KCNK13: variants seen among roughly 807,000 people sequenced by gnomAD.
KCNK13 encodes potassium two pore domain channel subfamily K member 13.
KCNK13 carries 12 observed loss-of-function variants against 23.4 expected under a neutral mutation model. The observed-to-expected ratio is 0.51, with a 90% CI of 0.33 to 0.83. The LOEUF is 0.83. KCNK13 is among the 40% of genes least tolerant of loss of function. The pLI, the probability that KCNK13 is intolerant of heterozygous loss-of-function variation, is 0.02. For missense variants in KCNK13, 463 were observed against 556.3 expected (o/e 0.83, Z 1.69); for synonymous variants, 231 against 229.5 (o/e 1.01, Z -0.06).
At chr14:90,074,443 C>T (rs2140391119) in intron 1 of KCNK13, among the ~76,000 whole-genome samples, 1 of 152,318 alleles carries the variant, frequency 6.6e-6, no homozygotes, top group Admixed American at 6.5e-5. Flanking sequence ...TATAGCTTTT[C>T]ATAAATTCAG....
At chr14:90,137,078 C>G (rs1889946200) in intron 1 of KCNK13, among the ~76,000 whole-genome samples, 1 of 152,124 alleles carries the variant, frequency 6.6e-6, no homozygotes, top group Non-Finnish European at 1.5e-5. Context: ...ATTCATGTTT[C>G]TTCATGTTTG....
At chr14:90,084,815 T>C (rs1473168846) in intron 1 of KCNK13, among the ~76,000 whole-genome samples, 4 of 152,232 alleles carry the variant, frequency 2.6e-5, no homozygotes, top group African/African-American at 9.6e-5. Context: ...TGTTGAATGT[T>C]TTTATCACAA....
intron 1 of KCNK13, among the ~76,000 whole-genome samples, chr14:90,074,099 A>G (rs1889108475): frequency 6.6e-6 from 1 of 151,954 alleles, no homozygotes; most frequent in South Asian, 2.1e-4. Context: ...CCTCCCGAGT[A>G]GCTGGGACTA....
intron 1 of KCNK13, among the ~76,000 whole-genome samples, chr14:90,113,723 A>G: frequency 6.6e-6 from 1 of 152,294 alleles, no homozygotes; most frequent in African/African-American, 2.4e-5. Flanking sequence ...ATCTGAGGTC[A>G]GGCATTCCAG....
intron 1 of KCNK13, among the ~76,000 whole-genome samples, chr14:90,080,849 C>T (rs1889200673): frequency 6.6e-6 from 1 of 152,172 alleles, no homozygotes; most frequent in Admixed American, 6.5e-5. Flanking sequence ...CAAGGTTTCT[C>T]CACCTCAACA....
chr14:90,143,183 TTCTTTTCTTTCTTTCTTTTCTTTCTTTTC>T (rs1890033389), intron 1 of KCNK13, among the ~76,000 whole-genome samples: 1 of 17,116 alleles, frequency 5.8e-5, no homozygotes, highest in African/African-American at 1.0e-4. Flanking sequence ...TTCTTTTCTT[TTCTTTTCTTTCTTTCTTTTCTTTCTTTTC>T]TTTTTTTTTT....
At chr14:90,092,828 C>T (rs940003194) in intron 1 of KCNK13, among the ~76,000 whole-genome samples, 1 of 147,888 alleles carries the variant, frequency 6.8e-6, no homozygotes, top group Admixed American at 6.9e-5. Flanking sequence ...GGGAGGTTTG[C>T]TTGAGCCCAG....
intron 1 of KCNK13, among the ~76,000 whole-genome samples, chr14:90,134,155 C>G (rs967268934): frequency 6.6e-6 from 1 of 151,188 alleles, no homozygotes; most frequent in Non-Finnish European, 1.5e-5. Context: ...GAGTTCGAGG[C>G]TACAGTGAGC....
chr14:90,136,708 T>C (rs1889940915), intron 1 of KCNK13, among the ~76,000 whole-genome samples: 1 of 152,130 alleles, frequency 6.6e-6, no homozygotes, highest in Non-Finnish European at 1.5e-5. Flanking sequence ...TCCTGTTGTC[T>C]GGCTGGAATA....
chr14:90,120,303 A>C (rs963817195), intron 1 of KCNK13, among the ~76,000 whole-genome samples: 9 of 152,196 alleles, frequency 5.9e-5, no homozygotes, highest in Admixed American at 2.6e-4. Flanking sequence ...TCTGTGCACT[A>C]TTCCAGTGAG....
intron 1 of KCNK13, among the ~76,000 whole-genome samples, chr14:90,145,906 G>T (rs541263694): frequency 6.6e-6 from 1 of 152,168 alleles, no homozygotes; most frequent in South Asian, 2.1e-4. Flanking sequence ...GGGGTGGGGA[G>T]GTGCCGAGGT....
chr14:90,065,507 A>C (rs1888997270), intron 1 of KCNK13, among the ~76,000 whole-genome samples: 1 of 152,184 alleles, frequency 6.6e-6, no homozygotes, highest in Non-Finnish European at 1.5e-5. Flanking sequence ...GAAGGAAAGT[A>C]AGTTAATCCA....
intron 1 of KCNK13, among the ~76,000 whole-genome samples, chr14:90,174,514 T>A (rs1890401389): frequency 1.3e-5 from 2 of 152,042 alleles, no homozygotes; most frequent in African/African-American, 4.8e-5. Context: ...GATTCAAAGA[T>A]TTTCCAATTT....
At chr14:90,152,808 G>A (rs559175605) in intron 1 of KCNK13, among the ~76,000 whole-genome samples, 2 of 152,212 alleles carry the variant, frequency 1.3e-5, no homozygotes, top group East Asian at 3.9e-4. Context: ...ATGAATTTTA[G>A]GATTGTTTTA....
chr14:90,084,747 A>G (rs1237559154), intron 1 of KCNK13, among the ~76,000 whole-genome samples: 4 of 152,102 alleles, frequency 2.6e-5, no homozygotes, highest in African/African-American at 9.7e-5. Context: ...ATTGAGTATG[A>G]AATTGGTTTT....
intron 1 of KCNK13, among the ~76,000 whole-genome samples, chr14:90,133,454 G>T (rs547809464): frequency 7.9e-5 from 12 of 152,246 alleles, no homozygotes; most frequent in Non-Finnish European, 1.5e-4. Context: ...GTTCACGGTG[G>T]AGACTGTAGA....
chr14:90,063,617 T>C (rs1461553061), intron 1 of KCNK13, among the ~76,000 whole-genome samples: 6 of 152,040 alleles, frequency 3.9e-5, no homozygotes, highest in Admixed American at 3.9e-4. Context: ...CAGCCCAGGG[T>C]GCATGTGCTG....
At chr14:90,068,505 G>A (rs1055976272) in intron 1 of KCNK13, among the ~76,000 whole-genome samples, 5 of 152,146 alleles carry the variant, frequency 3.3e-5, no homozygotes, top group Non-Finnish European at 4.4e-5. Context: ...GGCTGAGGTA[G>A]GAGGATCACT....
At chr14:90,109,068 T>G (rs1298475500) in intron 1 of KCNK13, among the ~76,000 whole-genome samples, 2 of 151,742 alleles carry the variant, frequency 1.3e-5, no homozygotes, top group African/African-American at 4.8e-5. Flanking sequence ...TCCCAGCTAC[T>G]CGGGAGGCTG....
Sources: gnomAD v4.1 joint callset for allele counts (sites outside exome capture counted in the v4.1 genomes callset) on GRCh38, gnomAD v4.1.1 for gene constraint, MANE v1.5 for transcripts, NCBI Gene and HGNC (gene_info 2026-07-23, HGNC 2026-07-21) for gene names.